GNB5: variants seen among roughly 807,000 people sequenced by gnomAD.
The protein encoded by GNB5 is G protein subunit beta 5, also known as guanine nucleotide-binding protein subunit beta-5.
A neutral mutation model predicts 55.3 loss-of-function variants in GNB5; 37 were observed. That is an observed-to-expected ratio of 0.67 (90% confidence interval 0.51 to 0.88). The LOEUF (loss-of-function observed/expected upper bound fraction) is 0.88. GNB5 is among the 40% of genes least tolerant of loss of function. GNB5 has a pLI of 0.00. For missense variants in GNB5, 476 were observed against 515.3 expected, an observed-to-expected ratio of 0.92 and a Z score of 0.74; for synonymous variants, 219 against 198.5, an observed-to-expected ratio of 1.10 and a Z score of -0.87.
intron 3 of GNB5, among the ~76,000 whole-genome samples, chr15:52,161,444 C>G (rs751408104): frequency 6.6e-6 from 1 of 152,176 alleles, no homozygotes; most frequent in Non-Finnish European, 1.5e-5. Context: ...ATTACAGGCA[C>G]GCGCTACCAC....
chr15:52,124,586 G>A lies in GNB5; in HGVS notation c.1063C>T (p.Leu355Phe). The change falls in exon 12 of 13, where the codon CTC (leucine) becomes TTC (phenylalanine). Residue 355 changes from leucine (L) to phenylalanine (F), a missense_variant. Physicochemically the swap from Leu to Phe is conservative, Grantham distance 22. Transcript: ENST00000261837. ...AGGATGGAGACCCGGGACCCTTTGAGAACATCCCAGACGTTGATAGTGTAA... is the reference window on the plus strand; with the variant it reads ...AGGATGGAGACCCGGGACCCTTTGAAAACATCCCAGACGTTGATAGTGTAA... ...NDYTINVWDV[L>F]KGSRVSILFG... The A allele has an allele frequency of 6.2e-7, 1 of 1,613,980 alleles. No homozygotes were observed. The highest frequency in any genetic ancestry group is 8.5e-7 in the Non-Finnish European group (1 of 1,179,798).
intron 3 of GNB5, among the ~76,000 whole-genome samples, chr15:52,174,057 T>C (rs1213189645): frequency 6.6e-6 from 1 of 152,128 alleles, no homozygotes; most frequent in Non-Finnish European, 1.5e-5. Flanking sequence ...CATAATCACA[T>C]GGATCCTAAT....
chr15:52,137,211 A>T, intron 7 of GNB5: 1 of 1,159,628 alleles, frequency 8.6e-7, no homozygotes, highest in Non-Finnish European at 1.1e-6. Flanking sequence ...GCTTGGTTGC[A>T]AGTATTTCTG....
chr15:52,182,943 G>A (rs1255995572), intron 2 of GNB5, among the ~76,000 whole-genome samples: 1 of 152,270 alleles, frequency 6.6e-6, no homozygotes, highest in East Asian at 1.9e-4. Context: ...CCTGAGGTCA[G>A]GAGTTCAAAA....
intron 3 of GNB5, among the ~76,000 whole-genome samples, chr15:52,170,415 A>T (rs1332449132): frequency 6.6e-6 from 1 of 152,242 alleles, no homozygotes; most frequent in African/African-American, 2.4e-5. Flanking sequence ...CTTTGCAGGG[A>T]CATGGAAGCC....
In GNB5 at chr15:52,138,263, G is replaced by A. The variant is rs149170938; in HGVS notation, c.628-2507C>T. Among the ~76,000 whole-genome samples, 482 of 151,672 alleles carry A rather than the reference G, an allele frequency of 3.2e-3. 1 individual carries two copies. The highest frequency in any genetic ancestry group is 0.011 in the African/African-American group (460 of 41,382). The stretch of plus-strand genomic sequence containing the variant: ...CCAGTTGTAGTGGCTCACGCCTGTT[G>A]TCCCAGCTACTTGGAAGGCTGAGGC... On this transcript the variant is annotated intron_variant, in intron 7 of 12. Transcript: ENST00000261837.
chr15:52,155,442 C>A (rs1421931091), intron 3 of GNB5, among the ~76,000 whole-genome samples: 1 of 152,166 alleles, frequency 6.6e-6, no homozygotes, highest in African/African-American at 2.4e-5. Flanking sequence ...CAAAATGCTT[C>A]AGTGTGTATG....
At chr15:52,162,361 T>C (rs946531638) in intron 3 of GNB5, among the ~76,000 whole-genome samples, 2 of 152,196 alleles carry the variant, frequency 1.3e-5, no homozygotes, top group African/African-American at 2.4e-5. Flanking sequence ...GCAAAAGATA[T>C]GGTGTGCAGC....
chr15:52,152,576 C>T (rs777351287), intron 4 of GNB5, among the ~76,000 whole-genome samples: 67 of 151,870 alleles, frequency 4.4e-4, no homozygotes, highest in Middle Eastern at 3.4e-3. Flanking sequence ...CCATCCGCCT[C>T]GGCCTCCCAA....
chr15:52,126,184 T>C (rs1309796722), intron 10 of GNB5, 140 bp from the exon 11 acceptor site: 8 of 588,538 alleles, frequency 1.4e-5, no homozygotes, highest in Non-Finnish European at 2.1e-5. Context: ...CCTACTGTTA[T>C]TTCATCCTTT....
At position 52,119,632 on chromosome 15, in the gene GNB5, C is replaced by T. The variant is rs1360936103; in HGVS notation, c.*3125G>A. The T allele has an allele frequency of 6.6e-6, 1 of 152,108 alleles. No homozygotes were observed. The highest frequency in any genetic ancestry group is 1.5e-5 in the Non-Finnish European group (1 of 68,062). 9.4% of individuals were successfully genotyped at this position (152,108 alleles called of 1,614,324 possible). The stretch of plus-strand genomic sequence containing the variant: ...ACCCTTCCTGAAGATGTGCTAAAGG[C>T]TGAGGTAGGCACTTTACATATTTTA... On this transcript the variant is annotated 3_prime_UTR_variant, in exon 13 of 13. Transcript: ENST00000261837.
At chr15:52,155,566 A>G (rs370404192) in intron 3 of GNB5, among the ~76,000 whole-genome samples, 2 of 152,258 alleles carry the variant, frequency 1.3e-5, no homozygotes, top group Admixed American at 1.3e-4. Context: ...TATTGTCCAA[A>G]TAATAACCTT....
At chr15:52,136,851 C>G (rs2033736931) in intron 7 of GNB5, 1 of 368,646 alleles carries the variant, frequency 2.7e-6, no homozygotes, top group Admixed American at 3.6e-5. Flanking sequence ...TTAAACAATT[C>G]TGGGACCAGG....
Position 52,121,946 on chromosome 15 carries a change from T to C in GNB5, c.*811A>G, listed in dbSNP as rs2033280596. Reference sequence around the variant, plus strand: ...CTTTAACCTAAGTGTTTCCACTAATTCTACTAATAGGTTTTTAAATAAGTT... The same window carrying C: ...CTTTAACCTAAGTGTTTCCACTAATCCTACTAATAGGTTTTTAAATAAGTT... On this transcript the variant is annotated 3_prime_UTR_variant, in exon 13 of 13. Coordinates refer to ENST00000261837, the MANE Select transcript of GNB5 (RefSeq NM_016194.4). 1 of 152,208 alleles carries C rather than the reference T, an allele frequency of 6.6e-6. No homozygotes were observed. The highest frequency in any genetic ancestry group is 1.5e-5 in the Non-Finnish European group (1 of 68,044). 9.4% of individuals were successfully genotyped at this position (152,208 alleles called of 1,614,324 possible). A position where few individuals can be genotyped will look rare whatever the true frequency, so the allele number is the denominator to read the frequency against.
intron 3 of GNB5, among the ~76,000 whole-genome samples, chr15:52,159,343 AAG>A (rs2034283181): frequency 6.6e-6 from 1 of 152,096 alleles, no homozygotes. Context: ...GAAACCAGGG[AAG>A]AGACTCCTCT....
chr15:52,138,036 T>C (rs1188604977), intron 7 of GNB5: 13 of 1,010,968 alleles, frequency 1.3e-5, no homozygotes, highest in Non-Finnish European at 1.4e-5. Flanking sequence ...CAGCTGCTGA[T>C]GGGATCTCTC....
chr15:52,152,479 A>T (rs955072159), intron 4 of GNB5, among the ~76,000 whole-genome samples: 3 of 151,992 alleles, frequency 2.0e-5, no homozygotes, highest in Non-Finnish European at 4.4e-5. Flanking sequence ...TCCCACCACC[A>T]TGCCCAGCTA....
At chr15:52,156,839 AT>A (rs1468625820) in intron 3 of GNB5, among the ~76,000 whole-genome samples, 1 of 152,166 alleles carries the variant, frequency 6.6e-6, no homozygotes, top group East Asian at 1.9e-4. Flanking sequence ...AAAACATTGC[AT>A]TATTTACTGC....
chr15:52,136,367 G>A (rs1403720349), intron 7 of GNB5, among the ~76,000 whole-genome samples: 2 of 152,218 alleles, frequency 1.3e-5, no homozygotes, highest in African/African-American at 4.8e-5. Context: ...TGTTCCGTGA[G>A]TCTCTACTGA....
Sources: gnomAD v4.1 joint callset for allele counts (sites outside exome capture counted in the v4.1 genomes callset) on GRCh38, gnomAD v4.1.1 for gene constraint, MANE v1.5 for transcripts, NCBI Gene and HGNC (gene_info 2026-07-23, HGNC 2026-07-21) for gene names.